SEPTIN8: variants seen among roughly 807,000 people sequenced by gnomAD.
The protein encoded by SEPTIN8 is septin-8.
Under a neutral mutation model 53.1 loss-of-function variants are expected in SEPTIN8, and 22 were observed. The ratio of observed to expected loss-of-function variants is 0.41; its 90% confidence interval spans 0.30 to 0.59. The LOEUF (loss-of-function observed/expected upper bound fraction) is 0.59. Ranked by LOEUF, SEPTIN8 falls within the 20% of genes least tolerant of loss-of-function variation. The pLI is 0.24. For missense variants in SEPTIN8, 536 were observed against 638.7 expected (o/e 0.84, Z 1.73); for synonymous variants, 228 against 248.4 (o/e 0.92, Z 0.77).
chr5:132,756,214 CAT>C, intron 9 of SEPTIN8: 3 of 985,458 alleles, frequency 3.0e-6, no homozygotes, highest in South Asian at 4.7e-5. Flanking sequence ...CATACACAAA[CAT>C]ATGCAGTCAG....
chr5:132,770,055 GTGTGTGTGTA>G (rs1757084606), intron 1 of SEPTIN8, among the ~76,000 whole-genome samples: 2 of 81,120 alleles, frequency 2.5e-5, no homozygotes, highest in Admixed American at 1.5e-4. Flanking sequence ...GTGTGTGTGT[GTGTGTGTGTA>G]TATATATATA....
rs377459906 is a variant in SEPTIN8 at position 132,760,771 on chromosome 5, G to A, written c.1286+31C>T. 1 of 1,598,376 alleles carries A rather than the reference G, an allele frequency of 6.3e-7. No homozygotes were observed. The highest frequency in any genetic ancestry group is 8.5e-7 in the Non-Finnish European group (1 of 1,172,678). On this transcript the variant is annotated intron_variant, in intron 9 of 9. Transcript: ENST00000378719. The surrounding 1 kb of genome is among the most constrained non-coding windows in gnomAD (Gnocchi z 5.2). ...AAAGCAAGAGCCCACAGGAGCAAGA[G>A]GAGCCAGCGCAGGCGCAGCCTGCCA...
chr5:132,770,022 T>TATACAC (rs1757064919), intron 1 of SEPTIN8, among the ~76,000 whole-genome samples: 1 of 35,006 alleles, frequency 2.9e-5, no homozygotes, highest in African/African-American at 9.9e-5. Context: ...TATATATATA[T>TATACAC]ACACACACAT....
chr5:132,771,660 C>A (rs1345590761), intron 1 of SEPTIN8, among the ~76,000 whole-genome samples: 2 of 152,218 alleles, frequency 1.3e-5, no homozygotes, highest in African/African-American at 4.8e-5. Context: ...ACTATGCTAG[C>A]CCCGGCTCCA....
intron 9 of SEPTIN8, chr5:132,753,000 A>G: frequency 6.4e-7 from 1 of 1,561,996 alleles, no homozygotes; most frequent in Non-Finnish European, 8.8e-7. Context: ...GGGCTTTCAG[A>G]GCATAGTGTG....
chr5:132,756,413 A>G (rs1755346236), intron 9 of SEPTIN8: 1 of 985,270 alleles, frequency 1.0e-6, no homozygotes, highest in South Asian at 4.7e-5. Context: ...TCAAACAAAC[A>G]TGGTTTATGA....
chr5:132,764,807 A>G lies in SEPTIN8; in HGVS notation c.152-388T>C, dbSNP rs201652557. On this transcript the variant is annotated intron_variant, in intron 2 of 9. Transcript: ENST00000378719. ...GGACCAGGGTGGTCATGGGACCAAG[A>G]GGGCCAGGGTCTAAAGCCACCAGTG... Among the ~76,000 whole-genome samples, 10 of 152,268 alleles carry G rather than the reference A, an allele frequency of 6.6e-5. No individual in the cohort carries two copies. In the East Asian group the frequency reaches 1.9e-3, roughly 29 times the overall value.
intron 1 of SEPTIN8, among the ~76,000 whole-genome samples, chr5:132,775,385 C>A (rs1207759651): frequency 2.0e-5 from 3 of 152,178 alleles, no homozygotes; most frequent in Non-Finnish European, 4.4e-5. Flanking sequence ...CAATAGGTAG[C>A]ATATATTATT....
At chr5:132,770,143 G>GTGTATATATATATATATATATGTATATA (rs1757165719) in intron 1 of SEPTIN8, among the ~76,000 whole-genome samples, 20 of 97,666 alleles carry the variant, frequency 2.0e-4, no homozygotes, top group South Asian at 7.9e-4. Flanking sequence ...GTGTATGTGT[G>GTGTATATATATATATATATATGTATATA]TGTATATATA....
intron 1 of SEPTIN8, among the ~76,000 whole-genome samples, chr5:132,770,198 T>G (rs1380726776): frequency 2.1e-5 from 3 of 146,198 alleles, no homozygotes; most frequent in Non-Finnish European, 4.5e-5. Flanking sequence ...TGTATGTATT[T>G]TTTGAGACAC....
chr5:132,757,170 A>T, intron 9 of SEPTIN8: 1 of 975,014 alleles, frequency 1.0e-6, no homozygotes, highest in Non-Finnish European at 1.2e-6. Flanking sequence ...CTAATTTTAT[A>T]TTAACATTGT....
chr5:132,753,486 C>T (rs1755040280), intron 9 of SEPTIN8: 1 of 158,402 alleles, frequency 6.3e-6, no homozygotes, highest in Admixed American at 6.0e-5. Flanking sequence ...CCACTCCTCA[C>T]ATGGGACAGT....
upstream of SEPTIN8, chr5:132,777,830 C>T (rs1397196508): frequency 1.0e-6 from 1 of 985,396 alleles, no homozygotes; most frequent in African/African-American, 1.7e-5. The surrounding 1 kb of genome is among the most constrained non-coding windows in gnomAD (Gnocchi z 4.1). Flanking sequence ...CCTTCCCGGG[C>T]AAGGGACCAG....
rs1029067807 is a variant in SEPTIN8, at chr5:132,776,989, G to A, written c.30+119C>T. On this transcript the variant is annotated intron_variant, in intron 1 of 9. Coordinates refer to ENST00000378719, the MANE Select transcript of SEPTIN8 (RefSeq NM_001098811.2). This position sits in a 1 kb window ranked among gnomAD's most constrained non-coding sequence, Gnocchi z 4.4. ...CGCGCCGGGGTCCTCGAGCTGGCCC[G>A]GTGTCGAGGCCCGGCCGTGAGGCGC... 6.4e-5 allele frequency: 36 copies of A among 563,982 alleles called. No individual in the cohort carries two copies. In the African/African-American group the frequency reaches 6.8e-4, roughly 11 times the overall value. The allele number at this position is 563,982 out of a possible 1,614,324, so 34.9% of individuals were successfully genotyped here.
chr5:132,777,538 A>G, upstream of SEPTIN8: 1 of 957,326 alleles, frequency 1.0e-6, no homozygotes, highest in Non-Finnish European at 1.2e-6. This position sits in a 1 kb window ranked among gnomAD's most constrained non-coding sequence, Gnocchi z 4.1. Flanking sequence ...GGCCGAGCCT[A>G]GGTGAGAGTC....
Position 132,761,965 on chromosome 5 carries a change from C to A in SEPTIN8, c.697-69G>T. 1.4e-6 allele frequency: 2 copies of A among 1,397,840 alleles called. No individual in the cohort carries two copies. Among genetic ancestry groups the A allele is most frequent in the South Asian group, 1.3e-5 (1 of 75,342 alleles). The allele number at this position is 1,397,840 out of a possible 1,614,324, so 86.6% of individuals were successfully genotyped here. A position where few individuals can be genotyped will look rare whatever the true frequency, so the allele number is the denominator to read the frequency against. On this transcript the variant is annotated intron_variant, in intron 5 of 9. Transcript: ENST00000378719. The surrounding 1 kb of genome is among the most constrained non-coding windows in gnomAD (Gnocchi z 5.8). Reference sequence around the variant, plus strand: ...ACTAATGGCAGACTCTCCCTCCCTGCCCCTGGGTCCTAGGGAGGGGCAGCC... The same window carrying A: ...ACTAATGGCAGACTCTCCCTCCCTGACCCTGGGTCCTAGGGAGGGGCAGCC...
Position 132,751,995 on chromosome 5 carries a change from C to T in SEPTIN8, c.*21G>A. 1 of 1,612,066 alleles carries T rather than the reference C, an allele frequency of 6.2e-7. No homozygotes were observed. Among genetic ancestry groups the T allele is most frequent in the Non-Finnish European group, 8.5e-7 (1 of 1,179,342 alleles). On this transcript the variant is annotated 3_prime_UTR_variant, in exon 10 of 10. Transcript: ENST00000378719. The stretch of plus-strand genomic sequence containing the variant: ...ATGCCCTGGTGGTCCTGAGCTGGCC[C>T]CATGTGTTGGAGCTGCTGCCTCAGA...
upstream of SEPTIN8, chr5:132,777,712 C>A (rs557433691): frequency 5.1e-6 from 5 of 985,540 alleles, no homozygotes; most frequent in Non-Finnish European, 4.8e-6. This position sits in a 1 kb window ranked among gnomAD's most constrained non-coding sequence, Gnocchi z 4.1. Flanking sequence ...CCGTCGGATC[C>A]GGGAGAGGCC....
At chr5:132,778,024 G>A (rs2150014518), upstream of SEPTIN8, 1 of 985,500 alleles carries the variant, frequency 1.0e-6, no homozygotes, top group African/African-American at 1.7e-5. Context: ...ACCACTCCCA[G>A]TGCGTGCACG....
Sources: gnomAD v4.1 joint callset for allele counts (sites outside exome capture counted in the v4.1 genomes callset) on GRCh38, gnomAD v4.1.1 for gene constraint, Gnocchi (gnomAD v3.1) non-coding constraint, MANE v1.5 for transcripts, NCBI Gene and HGNC (gene_info 2026-07-23, HGNC 2026-07-21) for gene names.